The following CCSER1 variants were observed in gnomAD, a reference collection of about 807,000 sequenced individuals.
CCSER1 encodes the protein coiled-coil serine rich protein 1, also known as serine-rich coiled-coil domain-containing protein 1.
Under a neutral mutation model 82.0 loss-of-function variants are expected in CCSER1, and 41 were observed. The ratio of observed to expected loss-of-function variants is 0.50; its 90% CI spans 0.39 to 0.65. The LOEUF is 0.65. Ranked by LOEUF, CCSER1 falls within the 30% of genes least tolerant of loss-of-function variation. CCSER1 has a pLI of 0.00. For synonymous variants in CCSER1, 414 were observed against 383.9 expected (o/e 1.08, Z -0.92); for missense variants, 1,119 against 1,064.2 (o/e 1.05, Z -0.72).
chr4:90,270,080 T>G (rs1292284103), intron 1 of CCSER1, among the ~76,000 whole-genome samples: 1 of 152,026 alleles, frequency 6.6e-6, no homozygotes, highest in Non-Finnish European at 1.5e-5. Flanking sequence ...CACTGCTGAA[T>G]TTTTCCAAAC....
At chr4:90,400,984 G>A (rs960799986) in intron 4 of CCSER1, among the ~76,000 whole-genome samples, 36 of 152,034 alleles carry the variant, frequency 2.4e-4, no homozygotes, top group Admixed American at 1.6e-3. Flanking sequence ...TTTTTAATTC[G>A]TGGAAATTAG....
chr4:91,419,031 A>G (rs1753543476), intron 10 of CCSER1, among the ~76,000 whole-genome samples: 1 of 152,010 alleles, frequency 6.6e-6, no homozygotes, highest in Non-Finnish European at 1.5e-5. Flanking sequence ...AAATTTTTCA[A>G]CACTTTTTCA....
intron 3 of CCSER1, among the ~76,000 whole-genome samples, chr4:90,344,491 G>A (rs934004225): frequency 2.0e-5 from 3 of 151,546 alleles, no homozygotes; most frequent in Non-Finnish European, 4.4e-5. Context: ...GATACTTCTC[G>A]CCTTACAATG....
intron 10 of CCSER1, among the ~76,000 whole-genome samples, chr4:91,288,846 T>G (rs1229399927): frequency 6.6e-6 from 1 of 151,988 alleles, no homozygotes; most frequent in Non-Finnish European, 1.5e-5. Context: ...GGAGAGGCTG[T>G]AGTACTGAGA....
At chr4:90,548,032 A>T (rs1352677321) in intron 5 of CCSER1, among the ~76,000 whole-genome samples, 1 of 152,154 alleles carries the variant, frequency 6.6e-6, no homozygotes, top group Non-Finnish European at 1.5e-5. Flanking sequence ...GTAATGAGCA[A>T]GGCTAAGCCT....
chr4:90,252,090 G>T (rs565372585), intron 1 of CCSER1, among the ~76,000 whole-genome samples: 1 of 151,808 alleles, frequency 6.6e-6, no homozygotes, highest in South Asian at 2.1e-4. Context: ...TGAGTATCCC[G>T]TATCTGAAAT....
chr4:90,381,140 A>C (rs1442283855), intron 3 of CCSER1, among the ~76,000 whole-genome samples: 1 of 152,240 alleles, frequency 6.6e-6, no homozygotes, highest in Admixed American at 6.5e-5. Flanking sequence ...CAGAGTGGCC[A>C]TGACCTGAAA....
chr4:91,363,354 ATT>A (rs72125833), intron 10 of CCSER1, among the ~76,000 whole-genome samples: 98,470 of 140,766 alleles, frequency 0.7, 33,811 homozygotes, highest in African/African-American at 0.78. Context: ...GGATGGAGAT[ATT>A]TTGTGTGTGT....
intron 10 of CCSER1, among the ~76,000 whole-genome samples, chr4:91,252,956 C>T (rs985058418): frequency 6.6e-6 from 1 of 151,684 alleles, no homozygotes; most frequent in African/African-American, 2.4e-5. Context: ...TTATTAGTAA[C>T]TATGTTAAGT....
rs923320628 is a variant in CCSER1, at chr4:90,128,332, C to G, written c.-42+501C>G. On this transcript the variant is annotated intron_variant, in intron 1 of 10. Transcript: ENST00000509176. ...GGGAGCCAGGGGCTCCCGGAGGAAC[C>G]GCAGTGCGGGGCCGGGACCACCTCT... Among the ~76,000 whole-genome samples the G allele has an allele frequency of 3.9e-5, 6 of 152,124 alleles. No individual in the cohort carries two copies. The East Asian group carries it at 9.7e-4, about 25-fold the overall frequency.
At chr4:90,800,549 C>T (rs1422306900) in intron 7 of CCSER1, among the ~76,000 whole-genome samples, 1 of 152,194 alleles carries the variant, frequency 6.6e-6, no homozygotes, top group Non-Finnish European at 1.5e-5. Context: ...AAGAGACTCT[C>T]ACAACCTCTT....
At chr4:91,286,476 G>C (rs747663915) in intron 10 of CCSER1, among the ~76,000 whole-genome samples, 4 of 151,684 alleles carry the variant, frequency 2.6e-5, no homozygotes, top group Non-Finnish European at 5.9e-5. Context: ...TTCAGATACA[G>C]TTCTCTTCTC....
chr4:90,897,778 A>G (rs1162144059), intron 8 of CCSER1, among the ~76,000 whole-genome samples: 1 of 152,006 alleles, frequency 6.6e-6, no homozygotes, highest in African/African-American at 2.4e-5. Flanking sequence ...CCATATGTAT[A>G]CCAACATTTG....
At chr4:91,394,683 A>G (rs1470694554) in intron 10 of CCSER1, among the ~76,000 whole-genome samples, 5 of 152,144 alleles carry the variant, frequency 3.3e-5, no homozygotes, top group African/African-American at 1.2e-4. Context: ...AATCTATTTT[A>G]CATGACAGAA....
At chr4:90,538,760 A>G (rs1376744096) in intron 5 of CCSER1, among the ~76,000 whole-genome samples, 1 of 152,028 alleles carries the variant, frequency 6.6e-6, no homozygotes, top group East Asian at 1.9e-4. Context: ...AAATCTCTAG[A>G]TTGTCTCCAC....
chr4:91,063,228 GA>G (rs771930117), intron 9 of CCSER1, among the ~76,000 whole-genome samples: 60 of 152,180 alleles, frequency 3.9e-4, no homozygotes, highest in Non-Finnish European at 7.6e-4. Flanking sequence ...TCCTTGCTTA[GA>G]TAGAGACCAG....
At chr4:91,018,172 T>C (rs1739606841) in intron 9 of CCSER1, among the ~76,000 whole-genome samples, 2 of 152,142 alleles carry the variant, frequency 1.3e-5, no homozygotes, top group African/African-American at 2.4e-5. Context: ...TTTCATCTAT[T>C]TATTTAGCTC....
chr4:90,786,168 C>T (rs1166730371), intron 7 of CCSER1, among the ~76,000 whole-genome samples: 1 of 152,148 alleles, frequency 6.6e-6, no homozygotes. Flanking sequence ...GACGATGGCT[C>T]CTAAGCAATG....
At chr4:91,579,521 T>A (rs1763628732) in intron 10 of CCSER1, among the ~76,000 whole-genome samples, 1 of 151,826 alleles carries the variant, frequency 6.6e-6, no homozygotes, top group South Asian at 2.1e-4. Context: ...AATTTTTATA[T>A]AAATGTTTCC....
Sources: allele counts gnomAD v4.1 joint callset (sites outside exome capture counted in the v4.1 genomes callset), GRCh38; gene constraint gnomAD v4.1.1; transcripts MANE v1.5; gene names NCBI Gene and HGNC (gene_info 2026-07-23, HGNC 2026-07-21).